The following TMEM235 variants were observed in gnomAD, a reference collection of about 807,000 sequenced individuals.
TMEM235 encodes the protein transmembrane protein 235.
A neutral mutation model predicts 22.9 loss-of-function variants in TMEM235; 23 were observed. That is an observed-to-expected ratio of 1.00 (90% CI 0.72 to 1.42). TMEM235 has a LOEUF of 1.42. TMEM235 is among the 40% of genes most tolerant of loss of function. The probability of loss-of-function intolerance (pLI) is 0.00; values close to 1 mark genes in which losing one functional copy is unlikely to be tolerated. For missense variants in TMEM235, 308 were observed against 299.5 expected (o/e 1.03, Z -0.21); for synonymous variants, 137 against 140.5 (o/e 0.98, Z 0.17).
intron 3 of TMEM235, 42 bp from the exon 3 acceptor site, chr17:78,234,551 C>G (rs1454456458): frequency 6.5e-7 from 1 of 1,533,732 alleles, no homozygotes; most frequent in Admixed American, 2.0e-5. Context: ...GCTGAAGGGC[C>G]CACCTGGACC....
In TMEM235 at chr17:78,232,842, A is replaced by C. The variant is rs1324546549; in HGVS notation, c.190+629A>C. On this transcript the variant is annotated intron_variant, in intron 2 of 5. Transcript: ENST00000421688. Reference sequence around the variant, plus strand: ...TGAGTGAGCATGTGTGTGCATCTGAATATGTGTGCATGTGCTGAACATGAA... The same window carrying C: ...TGAGTGAGCATGTGTGTGCATCTGACTATGTGTGCATGTGCTGAACATGAA... Among the ~76,000 whole-genome samples, 19 of 152,088 alleles carry C rather than the reference A, an allele frequency of 1.2e-4. 1 individual carries two copies. The highest frequency in any genetic ancestry group is 1.5e-5 in the Non-Finnish European group (1 of 67,992).
intron 2 of TMEM235, 22 bp downstream of exon 1, chr17:78,232,235 C>A: frequency 1.4e-6 from 2 of 1,430,024 alleles, no homozygotes; most frequent in Non-Finnish European, 1.8e-6. Context: ...CCGCGCCGGC[C>A]CTCCTCCCTC....
chr17:78,232,721 C>T (rs1046426844), intron 2 of TMEM235, among the ~76,000 whole-genome samples: 1 of 150,970 alleles, frequency 6.6e-6, no homozygotes, highest in African/African-American at 2.5e-5. Flanking sequence ...CCACAGGGCC[C>T]CCTCCGTTCC....
At position 78,237,321 on chromosome 17, in the gene TMEM235, G is replaced by A. The variant is rs945355867; in HGVS notation, c.410-1703G>A. Among the ~76,000 whole-genome samples the A allele has an allele frequency of 6.6e-6, 1 of 152,130 alleles. No individual in the cohort carries two copies. The highest frequency in any genetic ancestry group is 2.4e-5 in the African/African-American group (1 of 41,414). ...AGATCGATTGGGTGCCCTTCCCTGA[G>A]ACAGGATCTTGGGGGGCCTGGGGGA... is the stretch of plus-strand genomic sequence containing the variant. On this transcript the variant is annotated intron_variant, in intron 4 of 5. Transcript: ENST00000421688. The surrounding 1 kb of genome is among the most constrained non-coding windows in gnomAD (Gnocchi z 4.7).
At chr17:78,239,075 C>T (rs978319386) in exon 5 of TMEM235, 2 of 1,544,546 alleles carry the variant, frequency 1.3e-6, no homozygotes, top group Non-Finnish European at 1.7e-6. Flanking sequence ...TCGCACCTGG[C>T]CTTTGCGGAG....
At chr17:78,239,517 AGAGAT>A (rs2076685621) in intron 5 of TMEM235, among the ~76,000 whole-genome samples, 1 of 152,120 alleles carries the variant, frequency 6.6e-6, no homozygotes, top group African/African-American at 2.4e-5. Context: ...ACCGCCTCTT[AGAGAT>A]GAGAAGAGCC....
intron 4 of TMEM235, among the ~76,000 whole-genome samples, chr17:78,236,164 C>T (rs1445625243): frequency 6.6e-6 from 1 of 152,210 alleles, no homozygotes; most frequent in African/African-American, 2.4e-5. Context: ...GGGGTCCAAG[C>T]TTCTTGGTGC....
chr17:78,238,524 C>T lies in TMEM235; in HGVS notation c.410-500C>T, dbSNP rs1056297852. 4.6e-5 allele frequency among the ~76,000 whole-genome samples: 7 copies of T among 150,632 alleles called. No individual in the cohort carries two copies. The highest frequency in any genetic ancestry group is 1.2e-4 in the African/African-American group (5 of 40,842). ...TCACTCTGATCAGAGCACTGGGCAA[C>T]GCTGCTGCCAGCAGAGGCCATGGCT... On this transcript the variant is annotated intron_variant, in intron 4 of 5. Coordinates refer to ENST00000421688, the Ensembl canonical transcript of TMEM235. This position sits in a 1 kb window ranked among gnomAD's most constrained non-coding sequence, Gnocchi z 4.3.
At position 78,237,639 on chromosome 17, in the gene TMEM235, TACAGGCAGAG is replaced by T. The variant is rs147527104; in HGVS notation, c.410-1367_410-1358del. ...CTTGGGCTGCAGCTGCAGCCAGTGC[TACAGGCAGAG>T]ACAGGCAGAGACAGGCACCTCCTGC... On this transcript the variant is annotated intron_variant, in intron 4 of 5. Coordinates refer to ENST00000421688, the Ensembl canonical transcript of TMEM235. The surrounding 1 kb of genome is among the most constrained non-coding windows in gnomAD (Gnocchi z 4.7). Among the ~76,000 whole-genome samples the T allele has an allele frequency of 0.042, 6,315 of 151,942 alleles. 185 individuals are homozygous for T. The highest frequency in any genetic ancestry group is 0.056 in the East Asian group (286 of 5,136).
exon 2 of TMEM235, chr17:78,231,799 T>C (rs2076582415): frequency 2.5e-6 from 3 of 1,215,340 alleles, no homozygotes; most frequent in Admixed American, 3.3e-5. Flanking sequence ...TCCTCTCCTT[T>C]CCCCCAGGGG....
chr17:78,232,060 C>T, exon 2 of TMEM235: 1 of 1,376,634 alleles, frequency 7.3e-7, no homozygotes, highest in Non-Finnish European at 9.4e-7. Context: ...GGCCGCCGCC[C>T]TGGGTGCACT....
exon 6 of TMEM235, chr17:78,239,811 G>T: frequency 6.4e-7 from 1 of 1,550,714 alleles, no homozygotes; most frequent in East Asian, 2.4e-5. Context: ...GCGGCAGAGG[G>T]ACCCACCCAG....
chr17:78,231,818 G>T, exon 2 of TMEM235: 1 of 1,206,710 alleles, frequency 8.3e-7, no homozygotes. Flanking sequence ...GGCGAGCTCA[G>T]CGACCGCAGA....
exon 2 of TMEM235, chr17:78,231,451 G>A (rs2076577533): frequency 7.7e-7 from 1 of 1,301,792 alleles, no homozygotes; most frequent in Non-Finnish European, 1.0e-6. Flanking sequence ...CGGCTGTGGG[G>A]CCCAGCCACT....
intron 2 of TMEM235, 57 bp from the exon 2 acceptor site, chr17:78,233,838 G>A: frequency 1.3e-6 from 2 of 1,509,656 alleles, no homozygotes; most frequent in Non-Finnish European, 1.8e-6. Flanking sequence ...GGCTCGGGTA[G>A]GCTGCTGGGT....
Position 78,237,676 on chromosome 17 carries a change from G to C in TMEM235, c.410-1348G>C, listed in dbSNP as rs78591148. ...CAGGCAGAGACAGGCACCTCCTGCC[G>C]CACGGTCAGCCCCCGCTGCTGGGGG... On this transcript the variant is annotated intron_variant, in intron 4 of 5. Transcript: ENST00000421688. This position sits in a 1 kb window ranked among gnomAD's most constrained non-coding sequence, Gnocchi z 4.7. Among the ~76,000 whole-genome samples the C allele has an allele frequency of 2.0e-5, 3 of 151,950 alleles. No individual in the cohort carries two copies. The highest frequency in any genetic ancestry group is 4.4e-5 in the Non-Finnish European group (3 of 67,974).
At chr17:78,233,060 C>A (rs1267269584) in intron 2 of TMEM235, among the ~76,000 whole-genome samples, 1 of 152,142 alleles carries the variant, frequency 6.6e-6, no homozygotes, top group Admixed American at 6.5e-5. Context: ...CTCAGTGCAA[C>A]TGGGGAGGAG....
intron 2 of TMEM235, among the ~76,000 whole-genome samples, chr17:78,232,949 G>A (rs1420092143): frequency 6.7e-6 from 1 of 150,282 alleles, no homozygotes; most frequent in African/African-American, 2.4e-5. Flanking sequence ...GTGAATATGA[G>A]TGTGTGAGCA....
chr17:78,231,724 G>C (rs1228731736), exon 2 of TMEM235: 12 of 1,250,790 alleles, frequency 9.6e-6, no homozygotes, highest in African/African-American at 3.1e-5. Flanking sequence ...CAGGGACCCG[G>C]GGCCAGCCCG....
Sources: gnomAD v4.1 joint callset for allele counts (sites outside exome capture counted in the v4.1 genomes callset) on GRCh38, gnomAD v4.1.1 for gene constraint, Gnocchi (gnomAD v3.1) non-coding constraint, MANE v1.5 for transcripts, NCBI Gene and HGNC (gene_info 2026-07-23, HGNC 2026-07-21) for gene names.